Variants in SLC25A13 observed in about 807,000 individuals in gnomAD.
SLC25A13 encodes the protein solute carrier family 25 member 13.
SLC25A13 carries 70 observed loss-of-function variants against 85.5 expected under a neutral mutation model. The observed-to-expected ratio is 0.82, with a 90% CI of 0.68 to 1.00. The LOEUF is 1.00. Ranked by LOEUF, SLC25A13 falls within the 50% of genes least tolerant of loss-of-function variation. The pLI is 0.00. For synonymous variants in SLC25A13, 259 were observed against 288.7 expected, an observed-to-expected ratio of 0.90 and a Z score of 1.04; for missense variants, 765 against 819.8, an observed-to-expected ratio of 0.93 and a Z score of 0.82.
Position 96,208,926 on chromosome 7 carries a change from A to C in SLC25A13, c.380T>G (p.Phe127Cys), listed in dbSNP as rs1410422014. ...TTGCACAAATTCTGAATCCCAGTTAAATGGAATATGTTGATGAATTGTGGT... is the reference window on the plus strand; with the variant it reads ...TTGCACAAATTCTGAATCCCAGTTACATGGAATATGTTGATGAATTGTGGT... ...GQTTIHQHIPFNWDSEFVQLH... is the reference protein window; with the variant it reads ...GQTTIHQHIPCNWDSEFVQLH... Residue 127 changes from phenylalanine (F) to cysteine (C), a missense_variant, in exon 5 of 18, where the codon TTT (phenylalanine) becomes TGT (cysteine). Coordinates refer to ENST00000265631, the MANE Select transcript of SLC25A13 (RefSeq NM_014251.3). 1 of 1,614,134 alleles carries C rather than the reference A, an allele frequency of 6.2e-7. No homozygotes were observed. Among genetic ancestry groups the C allele is most frequent in the Admixed American group, 1.7e-5 (1 of 60,018 alleles).
At chr7:96,218,756 T>C (rs1795991842) in intron 4 of SLC25A13, among the ~76,000 whole-genome samples, 1 of 152,216 alleles carries the variant, frequency 6.6e-6, no homozygotes, top group African/African-American at 2.4e-5. Flanking sequence ...AAGGGATGTT[T>C]GTGTTAAACA....
intron 14 of SLC25A13, among the ~76,000 whole-genome samples, chr7:96,142,117 T>C (rs777638093): frequency 3.3e-5 from 5 of 152,226 alleles, no homozygotes; most frequent in Admixed American, 6.5e-5. Flanking sequence ...AAAAGTAAAA[T>C]ATTCTCCTTT....
rs575078541 is a variant in SLC25A13, at chr7:96,320,227, G to A, written c.15+1715C>T. Among the ~76,000 whole-genome samples the A allele has an allele frequency of 1.4e-4, 21 of 152,162 alleles. No individual in the cohort carries two copies. The East Asian group carries it at 3.1e-3, about 22-fold the overall frequency. On this transcript the variant is annotated intron_variant, in intron 1 of 17. Coordinates refer to ENST00000265631, the MANE Select transcript of SLC25A13 (RefSeq NM_014251.3). The stretch of plus-strand genomic sequence containing the variant: ...TTGCCACGTTGGCCAGGCTGGTCTC[G>A]AACTCCTGGCCTCAACTGACCCGCC...
At chr7:96,150,971 T>C (rs927542302) in intron 13 of SLC25A13, among the ~76,000 whole-genome samples, 1 of 152,060 alleles carries the variant, frequency 6.6e-6, no homozygotes, top group Non-Finnish European at 1.5e-5. Flanking sequence ...CAGATAATTA[T>C]ATGATAAGAT....
At chr7:96,204,185 T>C (rs182118917) in intron 5 of SLC25A13, among the ~76,000 whole-genome samples, 28 of 152,372 alleles carry the variant, frequency 1.8e-4, no homozygotes, top group Admixed American at 1.7e-3. Context: ...AATCACCTTT[T>C]AGGTTATTGG....
intron 5 of SLC25A13, among the ~76,000 whole-genome samples, chr7:96,206,656 T>A (rs1795473319): frequency 6.6e-6 from 1 of 152,200 alleles, no homozygotes; most frequent in Admixed American, 6.5e-5. Context: ...AGTACTTCTA[T>A]TCTGGCTACA....
Position 96,193,196 on chromosome 7 carries a change from AAAGT to A in SLC25A13, c.469-17_469-14del, listed in dbSNP as rs1269692228. 1 of 1,613,368 alleles carries A rather than the reference AAAGT, an allele frequency of 6.2e-7. No homozygotes were observed. Among genetic ancestry groups the A allele is most frequent in the Non-Finnish European group, 8.5e-7 (1 of 1,179,602 alleles). Reference sequence around the variant, plus strand: ...CCAGTTGTATTTCCTACAAATAAAGAAAGTAAAATACTTAATTTATGCTTCTCAT... The same window carrying A: ...CCAGTTGTATTTCCTACAAATAAAGAAAAATACTTAATTTATGCTTCTCAT... On this transcript the variant is annotated splice_polypyrimidine_tract_variant and intron_variant, in intron 5 of 17. Coordinates refer to ENST00000265631, the MANE Select transcript of SLC25A13 (RefSeq NM_014251.3).
At chr7:96,145,523 T>G (rs961957402) in intron 14 of SLC25A13, among the ~76,000 whole-genome samples, 4 of 152,202 alleles carry the variant, frequency 2.6e-5, no homozygotes, top group Non-Finnish European at 5.9e-5. Context: ...TGTTACATTA[T>G]GGGGACCAGT....
intron 5 of SLC25A13, among the ~76,000 whole-genome samples, chr7:96,204,479 G>A (rs917445874): frequency 6.6e-6 from 1 of 151,952 alleles, no homozygotes; most frequent in Admixed American, 6.6e-5. Context: ...ATTCAAAGTT[G>A]TAGCGAGCGC....
intron 4 of SLC25A13, among the ~76,000 whole-genome samples, chr7:96,212,177 C>T (rs538697424): frequency 8.5e-5 from 13 of 152,274 alleles, no homozygotes; most frequent in Non-Finnish European, 1.5e-4. Context: ...TGACTGGTGC[C>T]TCCTGGAGTT....
chr7:96,150,933 C>A (rs960584750), intron 13 of SLC25A13, among the ~76,000 whole-genome samples: 6 of 151,888 alleles, frequency 4.0e-5, no homozygotes, highest in Admixed American at 3.9e-4. Context: ...CTATATGCCT[C>A]ATAAATACAG....
At chr7:96,252,640 G>T (rs1265190074) in intron 3 of SLC25A13, among the ~76,000 whole-genome samples, 3 of 152,192 alleles carry the variant, frequency 2.0e-5, no homozygotes, top group African/African-American at 7.2e-5. Context: ...AAGGGAACAT[G>T]GTATAATGAA....
At chr7:96,300,304 A>G (rs959150939) in intron 1 of SLC25A13, among the ~76,000 whole-genome samples, 1 of 152,196 alleles carries the variant, frequency 6.6e-6, no homozygotes, top group South Asian at 2.1e-4. Flanking sequence ...AGCAGGACCA[A>G]CCTCATAAAC....
In SLC25A13 at chr7:96,184,628, A is replaced by C. The variant is rs1322733807; in HGVS notation, c.1019-193T>G. On this transcript the variant is annotated intron_variant, in intron 10 of 17. Transcript: ENST00000265631. ...GTTTTCATTCAAGTATCCCCTAATAAAAGGATGTCATAGATATTTTAAATT... is the reference window on the plus strand; with the variant it reads ...GTTTTCATTCAAGTATCCCCTAATACAAGGATGTCATAGATATTTTAAATT... The C allele has an allele frequency of 2.4e-5, 16 of 653,220 alleles. No homozygotes were observed. In the East Asian group the frequency reaches 4.3e-4, roughly 18 times the overall value. 40.5% of individuals were successfully genotyped at this position (653,220 alleles called of 1,614,324 possible).
intron 13 of SLC25A13, among the ~76,000 whole-genome samples, chr7:96,149,570 C>A (rs1792942502): frequency 6.6e-6 from 1 of 152,104 alleles, no homozygotes; most frequent in Non-Finnish European, 1.5e-5. Context: ...GTAGTGATAT[C>A]AAGAAAACAT....
At position 96,322,035 on chromosome 7, in the gene SLC25A13, G is replaced by T. The variant is rs1800377455; in HGVS notation, c.-79C>A. On this transcript the variant is annotated 5_prime_UTR_variant, in exon 1 of 18. Coordinates refer to ENST00000265631, the MANE Select transcript of SLC25A13 (RefSeq NM_014251.3). ...TTGGGACCCGGGCGGCTCACTTCTA[G>T]TCCCGGCGGCGGCGGCGGTGGGGGC... 1.3e-6 allele frequency: 2 copies of T among 1,516,796 alleles called. No individual in the cohort carries two copies. Among genetic ancestry groups the T allele is most frequent in the East Asian group, 2.6e-5 (1 of 37,802 alleles). The allele number at this position is 1,516,796 out of a possible 1,614,324, so 94.0% of individuals were successfully genotyped here. A position where few individuals can be genotyped will look rare whatever the true frequency, so the allele number is the denominator to read the frequency against.
chr7:96,265,066 GTTC>G (rs1797998485), intron 3 of SLC25A13, among the ~76,000 whole-genome samples: 2 of 152,176 alleles, frequency 1.3e-5, no homozygotes, highest in Admixed American at 6.6e-5. Context: ...AACTGGGGAT[GTTC>G]TTCTTTGATA....
At chr7:96,186,073 C>A (rs17167402) in intron 9 of SLC25A13, among the ~76,000 whole-genome samples, 1,939 of 152,136 alleles carry the variant, frequency 0.013, 39 homozygotes, top group African/African-American at 0.045. Context: ...GCCATTAAAG[C>A]AAGCATAAAT....
intron 1 of SLC25A13, among the ~76,000 whole-genome samples, chr7:96,302,113 A>G (rs1258787867): frequency 6.6e-6 from 1 of 152,260 alleles, no homozygotes; most frequent in Non-Finnish European, 1.5e-5. Context: ...AACACTGGTT[A>G]TAATTGTGTA....
Sources: allele counts gnomAD v4.1 joint callset (sites outside exome capture counted in the v4.1 genomes callset), GRCh38; gene constraint gnomAD v4.1.1; transcripts MANE v1.5; gene names NCBI Gene and HGNC (gene_info 2026-07-23, HGNC 2026-07-21).